ZCCHC17: variants seen among roughly 807,000 people sequenced by gnomAD.
ZCCHC17 encodes the protein zinc finger CCHC-type containing 17, also known as zinc finger CCHC domain-containing protein 17.
A neutral mutation model predicts 30.6 loss-of-function variants in ZCCHC17; 18 were observed. The observed-to-expected ratio is 0.59, with a 90% confidence interval of 0.41 to 0.87. ZCCHC17 has a LOEUF of 0.87. Among genes scored for constraint, ZCCHC17 ranks in the 40% least tolerant of loss-of-function variants. ZCCHC17 has a pLI of 0.00. For missense variants in ZCCHC17, 263 were observed against 284.2 expected (o/e 0.93, Z 0.54); for synonymous variants, 88 against 92.4 (o/e 0.95, Z 0.27).
At chr1:31,339,798 G>A (rs1024032630) in intron 5 of ZCCHC17, among the ~76,000 whole-genome samples, 1 of 152,048 alleles carries the variant, frequency 6.6e-6, no homozygotes, top group Admixed American at 6.6e-5. Context: ...AACTCCAGCG[G>A]GGTTTAGACT....
intron 1 of ZCCHC17, among the ~76,000 whole-genome samples, chr1:31,302,346 C>T (rs1646336189): frequency 6.6e-6 from 1 of 152,080 alleles, no homozygotes. Context: ...CTTTCTCTAC[C>T]TGTGCTTGGC....
intron 2 of ZCCHC17, among the ~76,000 whole-genome samples, chr1:31,317,604 G>A (rs141860809): frequency 2.1e-4 from 32 of 151,470 alleles, no homozygotes; most frequent in African/African-American, 7.8e-4. Flanking sequence ...TCCAAAGCAT[G>A]TTCACTTTCT....
At chr1:31,310,249 TAA>T (rs1646568329) in intron 2 of ZCCHC17, 85 bp downstream of exon 2, 4 of 1,416,752 alleles carry the variant, frequency 2.8e-6, no homozygotes, top group Non-Finnish European at 3.9e-6. Context: ...CCTGTCCACT[TAA>T]GTCTGTCTTG....
chr1:31,303,380 C>T (rs1338493710), intron 1 of ZCCHC17, among the ~76,000 whole-genome samples: 2 of 152,178 alleles, frequency 1.3e-5, no homozygotes, highest in Non-Finnish European at 2.9e-5. Context: ...CTCACAATTC[C>T]AGCACAGCTT....
intron 2 of ZCCHC17, among the ~76,000 whole-genome samples, chr1:31,316,668 A>G (rs911578550): frequency 2.6e-5 from 4 of 152,328 alleles, no homozygotes; most frequent in Admixed American, 1.3e-4. Context: ...CATTTGAAAC[A>G]TGGTAGAACT....
chr1:31,350,959 TTGCAGAGGG>T (rs953372993), intron 7 of ZCCHC17, among the ~76,000 whole-genome samples: 1 of 152,184 alleles, frequency 6.6e-6, no homozygotes, highest in African/African-American at 2.4e-5. Context: ...GACAATGTTC[TTGCAGAGGG>T]ATGCCTGACT....
chr1:31,363,419 G>A (rs1231157389), intron 7 of ZCCHC17, among the ~76,000 whole-genome samples: 4 of 152,038 alleles, frequency 2.6e-5, no homozygotes, highest in African/African-American at 9.7e-5. Flanking sequence ...TCCTGACCTC[G>A]TGATCCACCT....
chr1:31,302,402 G>A (rs1463432882), intron 1 of ZCCHC17, among the ~76,000 whole-genome samples: 1 of 152,030 alleles, frequency 6.6e-6, no homozygotes, highest in African/African-American at 2.4e-5. Context: ...CTGAGTACTT[G>A]TAGTATACCA....
At chr1:31,352,232 A>G (rs1639493127) in intron 7 of ZCCHC17, among the ~76,000 whole-genome samples, 1 of 152,170 alleles carries the variant, frequency 6.6e-6, no homozygotes, top group African/African-American at 2.4e-5. Context: ...ATTGGCATTA[A>G]ATACATTCAT....
chr1:31,323,800 G>T (rs1411009274), intron 3 of ZCCHC17, among the ~76,000 whole-genome samples: 1 of 152,134 alleles, frequency 6.6e-6, no homozygotes, highest in Non-Finnish European at 1.5e-5. Flanking sequence ...GTTAGAAATG[G>T]ATACTTTTAC....
intron 5 of ZCCHC17, among the ~76,000 whole-genome samples, chr1:31,343,846 A>ATTTTTT (rs71569979): frequency 2.5e-5 from 2 of 80,770 alleles, no homozygotes; most frequent in African/African-American, 1.3e-4. Context: ...TGCCCCACTA[A>ATTTTTT]TTTTTTTTTT....
In ZCCHC17 at chr1:31,320,205, A is replaced by G. The variant is rs74065833; in HGVS notation, c.124+1039A>G. 4.8e-3 allele frequency among the ~76,000 whole-genome samples: 730 copies of G among 152,344 alleles called. 10 individuals carry two copies. Among genetic ancestry groups the G allele is most frequent in the African/African-American group, 0.016 (678 of 41,582 alleles). ...AGGAATGAGAATAAAATATTCATAC[A>G]TGCAACAACCTGGATCATCCCTCTC... On this transcript the variant is annotated intron_variant, in intron 3 of 7. Coordinates refer to ENST00000344147, the MANE Select transcript of ZCCHC17 (RefSeq NM_016505.4).
At chr1:31,336,558 G>A (rs903580096) in intron 3 of ZCCHC17, among the ~76,000 whole-genome samples, 2 of 152,088 alleles carry the variant, frequency 1.3e-5, no homozygotes, top group Admixed American at 1.3e-4. Flanking sequence ...ATGGGGTCTC[G>A]TTATGTTGAC....
At position 31,310,131 on chromosome 1, in the gene ZCCHC17, C is replaced by G; in HGVS notation, c.33C>G (p.Asn11Lys). 1 of 1,614,122 alleles carries G rather than the reference C, an allele frequency of 6.2e-7. No homozygotes were observed. Among genetic ancestry groups the G allele is most frequent in the East Asian group, 2.2e-5 (1 of 44,876 alleles). The change falls in exon 2 of 8, where the codon AAC becomes AAG. Residue 11 changes from asparagine (N) to lysine (K), a missense_variant. Asn to Lys is a moderately conservative substitution (Grantham distance 94). Transcript: ENST00000344147. ...CAGGAAGGCCTGAGACCATGGAAAA[C>G]TTGCCTGCTCTCTACACTATTTTCC... MNSGRPETMENLPALYTIFQG... is the reference protein window; with the variant it reads MNSGRPETMEKLPALYTIFQG...
intron 3 of ZCCHC17, among the ~76,000 whole-genome samples, chr1:31,327,425 C>G (rs1209416360): frequency 6.6e-6 from 1 of 152,214 alleles, no homozygotes; most frequent in African/African-American, 2.4e-5. Context: ...ACAGTAGTCC[C>G]CACTCATCTG....
At chr1:31,313,815 A>G (rs1646662701) in intron 2 of ZCCHC17, among the ~76,000 whole-genome samples, 1 of 152,034 alleles carries the variant, frequency 6.6e-6, no homozygotes, top group Admixed American at 6.6e-5. Context: ...GGATTTCTAA[A>G]GTGGATCCTA....
chr1:31,360,349 A>C (rs913674668), intron 7 of ZCCHC17, among the ~76,000 whole-genome samples: 3 of 152,122 alleles, frequency 2.0e-5, no homozygotes, highest in Non-Finnish European at 4.4e-5. Context: ...TTGTATTTTT[A>C]GTAGAGATGG....
chr1:31,327,268 C>T (rs1638391634), intron 3 of ZCCHC17, among the ~76,000 whole-genome samples: 1 of 152,006 alleles, frequency 6.6e-6, no homozygotes, highest in South Asian at 2.1e-4. Context: ...GACTCAGTCC[C>T]ACAAAATTTC....
At chr1:31,312,804 G>T (rs546412791) in intron 2 of ZCCHC17, among the ~76,000 whole-genome samples, 64 of 152,252 alleles carry the variant, frequency 4.2e-4, no homozygotes, top group Middle Eastern at 3.4e-3. Flanking sequence ...TTGTTGCCCA[G>T]GTTGGAGTGC....
Sources: gnomAD v4.1 joint callset for allele counts (sites outside exome capture counted in the v4.1 genomes callset) on GRCh38, gnomAD v4.1.1 for gene constraint, MANE v1.5 for transcripts, NCBI Gene and HGNC (gene_info 2026-07-23, HGNC 2026-07-21) for gene names.